ZNF738: variants seen among roughly 807,000 people sequenced by gnomAD.
ZNF738 encodes zinc finger protein 738.
ZNF738 carries 10 observed loss-of-function variants against 9.2 expected under a neutral mutation model. The observed-to-expected ratio is 1.09, with a 90% CI of 0.67 to 1.85. The LOEUF (loss-of-function observed/expected upper bound fraction) is 1.85, where lower values mean the gene tolerates loss of function less well. Ranked by LOEUF, ZNF738 falls within the 40% of genes most tolerant of loss-of-function variation. The pLI is 0.00. For synonymous variants in ZNF738, 113 were observed against 94.5 expected, an observed-to-expected ratio of 1.20 and a Z score of -1.14; for missense variants, 346 against 283.6, an observed-to-expected ratio of 1.22 and a Z score of -1.58.
intron 2 of ZNF738, among the ~76,000 whole-genome samples, chr19:21,365,535 A>T (rs1249924073): frequency 1.3e-5 from 2 of 152,178 alleles, no homozygotes; most frequent in African/African-American, 2.4e-5. Context: ...TTCTTGCTTA[A>T]CTATTAGAGT....
rs570395306 is a variant in ZNF738 at position 21,385,484 on chromosome 19, AT to A, written c.*1811del. On this transcript the variant is annotated 3_prime_UTR_variant, in exon 5 of 5. Coordinates refer to ENST00000683779, the MANE Select transcript of ZNF738 (RefSeq NM_001355237.2). ...AAAAATAAATAAATAAATAAAAAAA[AT>A]AAGAGAGTTCATACTAGAGAGAAAC... Among the ~76,000 whole-genome samples the A allele has an allele frequency of 0.011, 1,636 of 150,654 alleles. 12 individuals are homozygous for A. Among genetic ancestry groups the A allele is most frequent in the Non-Finnish European group, 0.018 (1,188 of 67,648 alleles).
intron 2 of ZNF738, among the ~76,000 whole-genome samples, chr19:21,368,944 G>C (rs1478530835): frequency 6.6e-6 from 1 of 151,960 alleles, no homozygotes; most frequent in African/African-American, 2.4e-5. Context: ...TAGTATATTG[G>C]CCAGGCTGGT....
intron 2 of ZNF738, among the ~76,000 whole-genome samples, chr19:21,371,773 T>C (rs1289947754): frequency 2.0e-5 from 3 of 152,108 alleles, no homozygotes; most frequent in Admixed American, 2.0e-4. Flanking sequence ...TGAAGAGTTA[T>C]TATTATTTGT....
intron 4 of ZNF738, among the ~76,000 whole-genome samples, chr19:21,382,641 TC>T (rs1174789803): frequency 1.3e-5 from 2 of 152,210 alleles, no homozygotes; most frequent in East Asian, 3.8e-4. Context: ...TGCATTGTGC[TC>T]ACTTGGGGTA....
At chr19:21,359,283 C>T in intron 1 of ZNF738, 140 bp downstream of exon 1, 2 of 767,236 alleles carry the variant, frequency 2.6e-6, no homozygotes, top group South Asian at 2.9e-5. Flanking sequence ...AGCTCGGCCT[C>T]AGTCGCCTTC....
chr19:21,366,394 T>C (rs1377425671), intron 2 of ZNF738, among the ~76,000 whole-genome samples: 1 of 152,204 alleles, frequency 6.6e-6, no homozygotes, highest in African/African-American at 2.4e-5. Flanking sequence ...TCCTAAGTTG[T>C]GCCTCCAACC....
At chr19:21,377,421 A>C in intron 4 of ZNF738, 1 of 707,720 alleles carries the variant, frequency 1.4e-6, no homozygotes, top group South Asian at 1.5e-5. Context: ...TACTATAATT[A>C]TATTGCTGTC....
At chr19:21,359,287 C>G (rs977297175) in intron 1 of ZNF738, 144 bp downstream of exon 1, 2 of 762,324 alleles carry the variant, frequency 2.6e-6, no homozygotes, top group South Asian at 2.9e-5. Flanking sequence ...CGGCCTCAGT[C>G]GCCTTCAGCC....
At chr19:21,369,046 T>C (rs1973824043) in intron 2 of ZNF738, among the ~76,000 whole-genome samples, 1 of 152,176 alleles carries the variant, frequency 6.6e-6, no homozygotes, top group East Asian at 1.9e-4. Flanking sequence ...CTTTGTGTTT[T>C]TATATGGCCA....
At position 21,375,291 on chromosome 19, in the gene ZNF738, A is replaced by G; in HGVS notation, c.150A>G (p.Gln50=). 2.6e-6 allele frequency: 3 copies of G among 1,146,568 alleles called. No individual in the cohort carries two copies. The highest frequency in any genetic ancestry group is 1.2e-5 in the South Asian group (1 of 80,938). 71.0% of individuals were successfully genotyped at this position (1,146,568 alleles called of 1,614,324 possible). The change falls in exon 3 of 5, where the codon CAA becomes CAG. Residue 50 remains glutamine, a synonymous_variant. Coordinates refer to ENST00000683779, the MANE Select transcript of ZNF738 (RefSeq NM_001355237.2). ...TAGAATTCTCTCAGGAGGAGTGGCAATGCCTGGACACTGCTCAGCAAGATT... is the reference window on the plus strand; with the variant it reads ...TAGAATTCTCTCAGGAGGAGTGGCAGTGCCTGGACACTGCTCAGCAAGATT... ...VVIEFSQEEW[Q]CLDTAQQDLY... is the part of the protein sequence containing the mutation.
chr19:21,362,715 T>C (rs779881009), intron 2 of ZNF738, among the ~76,000 whole-genome samples: 6 of 152,214 alleles, frequency 3.9e-5, no homozygotes, highest in Non-Finnish European at 8.8e-5. Context: ...AAATTAATCA[T>C]ATATTTCATT....
intron 2 of ZNF738, among the ~76,000 whole-genome samples, chr19:21,366,807 AG>A (rs528930014): frequency 2.6e-5 from 4 of 152,100 alleles, no homozygotes; most frequent in Non-Finnish European, 5.9e-5. Flanking sequence ...CACTGGTGGG[AG>A]GGTAACGGAG....
chr19:21,370,990 G>A (rs551750371), intron 2 of ZNF738, among the ~76,000 whole-genome samples: 1 of 152,282 alleles, frequency 6.6e-6, no homozygotes, highest in Admixed American at 6.5e-5. Flanking sequence ...TTTCAATCTT[G>A]TTCAGTGACC....
intron 4 of ZNF738, chr19:21,381,124 G>GC: frequency 1.3e-6 from 1 of 748,098 alleles, no homozygotes; most frequent in East Asian, 2.5e-5. Context: ...CAAGGCAGCA[G>GC]CACATTAAGC....
chr19:21,376,193 C>A, intron 4 of ZNF738: 1 of 345,096 alleles, frequency 2.9e-6, no homozygotes, highest in East Asian at 6.2e-5. Flanking sequence ...TCTACTTTCC[C>A]TTCATTGATT....
At chr19:21,367,842 C>T (rs1973804318) in intron 2 of ZNF738, among the ~76,000 whole-genome samples, 1 of 152,176 alleles carries the variant, frequency 6.6e-6, no homozygotes, top group African/African-American at 2.4e-5. Flanking sequence ...GGAACTTCAC[C>T]ACAGCATATT....
At chr19:21,378,616 T>C in intron 4 of ZNF738, 2 of 342,550 alleles carry the variant, frequency 5.8e-6, no homozygotes, top group Non-Finnish European at 1.2e-5. Flanking sequence ...CTTTTTTTTT[T>C]TTTTTTTTTG....
chr19:21,376,857 G>A (rs1359365200), intron 4 of ZNF738, among the ~76,000 whole-genome samples: 1 of 151,644 alleles, frequency 6.6e-6, no homozygotes, highest in African/African-American at 2.4e-5. Flanking sequence ...TTCCATTTTG[G>A]TCATAGGATG....
chr19:21,375,874 G>C lies in ZNF738; in HGVS notation c.229G>C (p.Asp77His). The change falls in exon 4 of 5, where the codon GAT (aspartate) becomes CAT (histidine). Residue 77 changes from aspartate (D) to histidine (H), a missense_variant. Asp to His is a moderately conservative substitution (Grantham distance 81). Transcript: ENST00000683779. The stretch of plus-strand genomic sequence containing the variant: ...ATTTATTTTTAATAAATCAGGTATT[G>C]ATGTCTCTAAGCCAGATCTGATCAC... ...NFRNLVFLGI[D>H]VSKPDLITCL... 2.5e-6 allele frequency: 2 copies of C among 786,652 alleles called. No homozygotes were observed. The highest frequency in any genetic ancestry group is 4.9e-5 in the East Asian group (2 of 41,052). The allele number at this position is 786,652 out of a possible 1,614,324, so 48.7% of individuals were successfully genotyped here.
Sources: allele counts gnomAD v4.1 joint callset (sites outside exome capture counted in the v4.1 genomes callset), GRCh38; gene constraint gnomAD v4.1.1; transcripts MANE v1.5; gene names NCBI Gene and HGNC (gene_info 2026-07-23, HGNC 2026-07-21).